GSE1: variants seen among roughly 807,000 people sequenced by gnomAD.
GSE1 encodes the protein Gse1 coiled-coil protein, also known as genetic suppressor element 1.
Under a neutral mutation model 112.6 loss-of-function variants are expected in GSE1, and 32 were observed. The observed-to-expected ratio is 0.28, with a 90% CI of 0.21 to 0.38. The LOEUF is 0.38. GSE1 is among the 10% of genes least tolerant of loss of function. The probability of loss-of-function intolerance (pLI) is 1.00; values close to 1 mark genes in which losing one functional copy is unlikely to be tolerated. For synonymous variants in GSE1, 1,115 were observed against 735.6 expected (o/e 1.52, Z -8.35); for missense variants, 2,348 against 1,699.2 (o/e 1.38, Z -6.71).
intron 2 of GSE1, among the ~76,000 whole-genome samples, chr16:85,502,634 A>G (rs889372721): frequency 6.6e-6 from 1 of 152,212 alleles, no homozygotes; most frequent in African/African-American, 2.4e-5. Context: ...TCTTGAGATC[A>G]TGAGCTGAAA....
intron 1 of GSE1, among the ~76,000 whole-genome samples, chr16:85,628,681 C>CGCCAT (rs2049280185): frequency 6.6e-6 from 1 of 152,212 alleles, no homozygotes; most frequent in African/African-American, 2.4e-5. Flanking sequence ...GCCGTCGAGC[C>CGCCAT]GCCATCCCTT....
At chr16:85,268,754 C>CG (rs1019869829) in intron 1 of GSE1, among the ~76,000 whole-genome samples, 7 of 152,164 alleles carry the variant, frequency 4.6e-5, no homozygotes, top group Non-Finnish European at 1.0e-4. Flanking sequence ...CTGCCTTCCT[C>CG]GGGGGGCATT....
chr16:85,598,179 T>G (rs1042327099), intron 1 of GSE1, among the ~76,000 whole-genome samples: 22 of 147,012 alleles, frequency 1.5e-4, no homozygotes, highest in South Asian at 6.7e-4. Flanking sequence ...TTTTTTTTTT[T>G]TTTTTTTTTT....
At chr16:85,175,762 T>C (rs1312099359) in intron 1 of GSE1, among the ~76,000 whole-genome samples, 1 of 152,180 alleles carries the variant, frequency 6.6e-6, no homozygotes, top group Non-Finnish European at 1.5e-5. Flanking sequence ...CTTCCCACCC[T>C]CCAGGAGGCG....
At chr16:85,630,198 C>T (rs1313721148) in intron 1 of GSE1, among the ~76,000 whole-genome samples, 1 of 152,170 alleles carries the variant, frequency 6.6e-6, no homozygotes, top group Non-Finnish European at 1.5e-5. Flanking sequence ...CCCAAGAGGG[C>T]CAGGAAGGAG....
intron 12 of GSE1, 75 bp downstream of exon 12, chr16:85,665,203 C>T (rs778354233): frequency 2.2e-4 from 178 of 808,276 alleles, no homozygotes; most frequent in Non-Finnish European, 3.4e-4. Flanking sequence ...GGCGACCACT[C>T]GAGGTCTTCA....
At position 85,549,913 on chromosome 16, in the gene GSE1, C is replaced by T. The variant is rs985306927; in HGVS notation, c.2465-84001C>T. 3.3e-5 allele frequency among the ~76,000 whole-genome samples: 5 copies of T among 152,212 alleles called. No homozygotes were observed. In the East Asian group the frequency reaches 7.7e-4, roughly 24 times the overall value. On this transcript the variant is annotated intron_variant, in intron 2 of 2. Coordinates refer to the GSE1 transcript ENST00000637419. ...AAGGGGAGGGGATGCTGGGGCAGGTCGTAAGTAAGATGACATCGTAGGAAA... is the reference window on the plus strand; with the variant it reads ...AAGGGGAGGGGATGCTGGGGCAGGTTGTAAGTAAGATGACATCGTAGGAAA...
chr16:85,531,744 G>A (rs576162684), intron 2 of GSE1, among the ~76,000 whole-genome samples: 1 of 152,214 alleles, frequency 6.6e-6, no homozygotes, highest in Admixed American at 6.5e-5. Flanking sequence ...TCTCCCCCAG[G>A]ATGGACCGGA....
At chr16:85,333,686 C>T (rs376362656) in intron 1 of GSE1, among the ~76,000 whole-genome samples, 146 of 152,314 alleles carry the variant, frequency 9.6e-4, no homozygotes, top group African/African-American at 3.4e-3. Context: ...GGAGCTGGGC[C>T]GGCAGGCATG....
Position 85,571,616 on chromosome 16 carries a change from T to C in GSE1, c.37+15253T>C, listed in dbSNP as rs1041296222. Among the ~76,000 whole-genome samples the C allele has an allele frequency of 2.0e-5, 3 of 152,208 alleles. No homozygotes were observed. In the South Asian group the frequency reaches 6.2e-4, roughly 32 times the overall value. On this transcript the variant is annotated intron_variant, in intron 1 of 2. Transcript: ENST00000635906. ...CTTGAGAGCCTAGTGGGGAGGTCTT[T>C]GCCGTGTTTGGGGCCACAGGGACCT...
At chr16:85,486,882 G>C (rs1212142653) in intron 2 of GSE1, among the ~76,000 whole-genome samples, 3 of 152,230 alleles carry the variant, frequency 2.0e-5, no homozygotes, top group Admixed American at 6.5e-5. Context: ...GATGAGTTTA[G>C]CTGTTGCTAA....
intron 1 of GSE1, among the ~76,000 whole-genome samples, chr16:85,229,676 C>T (rs2075548723): frequency 6.6e-6 from 1 of 152,248 alleles, no homozygotes; most frequent in Non-Finnish European, 1.5e-5. Flanking sequence ...GTGCTCTTAA[C>T]TGCTTCAAGA....
At chr16:85,414,977 C>T (rs922725924) in intron 2 of GSE1, among the ~76,000 whole-genome samples, 1 of 152,192 alleles carries the variant, frequency 6.6e-6, no homozygotes, top group African/African-American at 2.4e-5. Flanking sequence ...CAGGGTCTCA[C>T]TCTGTTGCCT....
At chr16:85,391,880 G>T (rs916305034) in intron 2 of GSE1, among the ~76,000 whole-genome samples, 1 of 152,160 alleles carries the variant, frequency 6.6e-6, no homozygotes, top group Admixed American at 6.5e-5. Flanking sequence ...ATGCTGGAAC[G>T]TGTTCCCGGG....
At chr16:85,588,840 C>A (rs923318619) in intron 1 of GSE1, among the ~76,000 whole-genome samples, 1 of 152,132 alleles carries the variant, frequency 6.6e-6, no homozygotes, top group African/African-American at 2.4e-5. Flanking sequence ...CCTGCTGCCT[C>A]CCAAAACGGC....
intron 1 of GSE1, among the ~76,000 whole-genome samples, chr16:85,262,274 C>T (rs913716767): frequency 5.3e-5 from 8 of 152,356 alleles, no homozygotes; most frequent in South Asian, 2.1e-4. Flanking sequence ...AGAGCCTCCC[C>T]GTCTCTTGTT....
At chr16:85,594,586 C>T (rs1598315536) in intron 1 of GSE1, 1 of 152,274 alleles carries the variant, frequency 6.6e-6, no homozygotes, top group Non-Finnish European at 1.5e-5. Flanking sequence ...CCTCTTCCTA[C>T]ATCAGAGTGC....
chr16:85,350,633 G>A (rs934689007), intron 1 of GSE1, among the ~76,000 whole-genome samples: 2 of 152,144 alleles, frequency 1.3e-5, no homozygotes, highest in African/African-American at 2.4e-5. Context: ...TCACCGTGAT[G>A]CTTTGATTCT....
chr16:85,452,855 C>T (rs1386702716), intron 2 of GSE1, among the ~76,000 whole-genome samples: 2 of 152,228 alleles, frequency 1.3e-5, no homozygotes, highest in African/African-American at 4.8e-5. Context: ...CTTCCCTCTG[C>T]CAGGCGCTGG....
Sources: gnomAD v4.1 joint callset for allele counts (sites outside exome capture counted in the v4.1 genomes callset) on GRCh38, gnomAD v4.1.1 for gene constraint, MANE v1.5 for transcripts, NCBI Gene and HGNC (gene_info 2026-07-23, HGNC 2026-07-21) for gene names.